HUNK: variants seen among roughly 807,000 people sequenced by gnomAD.
The protein encoded by HUNK is hormonally up-regulated Neu-associated kinase.
HUNK carries 21 observed loss-of-function variants against 61.0 expected under a neutral mutation model. The ratio of observed to expected loss-of-function variants is 0.34; its 90% CI spans 0.24 to 0.50. The LOEUF (loss-of-function observed/expected upper bound fraction) is 0.50, where lower values mean the gene tolerates loss of function less well. HUNK is among the 20% of genes least tolerant of loss of function. The probability of loss-of-function intolerance (pLI) is 0.98; values close to 1 mark genes in which losing one functional copy is unlikely to be tolerated. For synonymous variants in HUNK, 371 were observed against 386.1 expected, an observed-to-expected ratio of 0.96 and a Z score of 0.46; for missense variants, 772 against 945.7, an observed-to-expected ratio of 0.82 and a Z score of 2.41.
At chr21:31,965,517 G>A (rs796920754) in intron 5 of HUNK, among the ~76,000 whole-genome samples, 8 of 151,314 alleles carry the variant, frequency 5.3e-5, no homozygotes, top group African/African-American at 1.7e-4. Context: ...AGTATCCAGC[G>A]ATAACACTTA....
chr21:31,976,571 A>G (rs1248504225), intron 7 of HUNK, among the ~76,000 whole-genome samples: 3 of 138,620 alleles, frequency 2.2e-5, no homozygotes, highest in Non-Finnish European at 4.5e-5. Flanking sequence ...GGTTCAAGTG[A>G]TTCTCCTGCC....
At chr21:31,952,844 A>G (rs1001633732) in intron 4 of HUNK, among the ~76,000 whole-genome samples, 1 of 150,652 alleles carries the variant, frequency 6.6e-6, no homozygotes, top group Admixed American at 6.7e-5. Flanking sequence ...ATTCTGCTGG[A>G]AAAACCCCTG....
Position 31,974,674 on chromosome 21 carries a change from T to C in HUNK, c.1130T>C (p.Ile377Thr). 1.2e-6 allele frequency: 2 copies of C among 1,613,976 alleles called. No homozygotes were observed. The highest frequency in any genetic ancestry group is 2.2e-5 in the South Asian group (2 of 91,054). The change falls in exon 7 of 11, where the codon ATC becomes ACC. Residue 377 changes from isoleucine to threonine, a missense_variant. Ile to Thr is a moderately conservative substitution (Grantham distance 89). Around this residue, in one of 2 missense-constraint regions of HUNK, gnomAD observed 413 missense variants for 444.4 expected, o/e 0.93. Coordinates refer to ENST00000270112, the MANE Select transcript of HUNK (RefSeq NM_014586.2). Reference sequence around the variant, plus strand: ...AACCGCGCCTGCCACATCCTGGCCATCTACTTCCTCTTAAACAAGAAACTG... The same window carrying C: ...AACCGCGCCTGCCACATCCTGGCCACCTACTTCCTCTTAAACAAGAAACTG... ...LSNRACHILA[I>T]YFLLNKKLER...
At chr21:31,934,808 C>A (rs889942563) in intron 2 of HUNK, among the ~76,000 whole-genome samples, 13 of 152,032 alleles carry the variant, frequency 8.6e-5, no homozygotes, top group Admixed American at 5.9e-4. Context: ...TGACTTCGAG[C>A]GGCATCCATG....
In HUNK at chr21:31,924,742, G is replaced by A. The variant is rs369490768; in HGVS notation, c.536G>A (p.Arg179Gln). 46 of 1,608,500 alleles carry A rather than the reference G, an allele frequency of 2.9e-5. No homozygotes were observed. Among genetic ancestry groups the A allele is most frequent in the East Asian group, 6.7e-5 (3 of 44,856 alleles). The change falls in exon 2 of 11, where the codon CGG becomes CAG. Residue 179 changes from arginine (R) to glutamine (Q), a missense_variant. By Grantham distance (43) the Arg-to-Gln change is conservative. This residue lies in a region of HUNK where 359 missense variants were observed against 501.3 expected (regional missense o/e 0.72). Coordinates refer to ENST00000270112, the MANE Select transcript of HUNK (RefSeq NM_014586.2). This position sits in a 1 kb window ranked among gnomAD's most constrained non-coding sequence, Gnocchi z 5.1. ...QLISAVEHLH[R>Q]AGVVHRDLKI... ...ATCTCTGCCGTAGAGCACCTGCACC[G>A]GGCCGGGGTGGTCCACAGGTAAGGG...
chr21:31,895,144 G>A (rs1326195347), intron 1 of HUNK, among the ~76,000 whole-genome samples: 3 of 152,222 alleles, frequency 2.0e-5, no homozygotes, highest in African/African-American at 4.8e-5. Context: ...AATAAATTCA[G>A]TGTGTTTATG....
intron 7 of HUNK, 67 bp downstream of exon 7, chr21:31,974,784 G>C: frequency 7.0e-7 from 1 of 1,429,786 alleles, no homozygotes; most frequent in Non-Finnish European, 9.4e-7. Flanking sequence ...CACCCAAAGT[G>C]CTTCTCAGTT....
chr21:31,926,737 CA>C (rs1465768745), intron 2 of HUNK, among the ~76,000 whole-genome samples: 2 of 152,096 alleles, frequency 1.3e-5, no homozygotes, highest in African/African-American at 4.8e-5. Flanking sequence ...TTGGCTGATC[CA>C]TTTGAGTTGT....
chr21:31,879,684 C>T (rs767037929), intron 1 of HUNK, among the ~76,000 whole-genome samples: 27 of 152,104 alleles, frequency 1.8e-4, no homozygotes, highest in African/African-American at 4.8e-4. Context: ...TGGAGGTCAG[C>T]GCGGCAATCA....
chr21:31,999,421 C>T lies in HUNK; in HGVS notation c.*237C>T. 1 of 502,222 alleles carries T rather than the reference C, an allele frequency of 2.0e-6. No individual in the cohort carries two copies. The highest frequency in any genetic ancestry group is 5.2e-4 in the Middle Eastern group (1 of 1,924). The allele number at this position is 502,222 out of a possible 1,614,324, so 31.1% of individuals were successfully genotyped here. A position where few individuals can be genotyped will look rare whatever the true frequency, so the allele number is the denominator to read the frequency against. ...GCCAATTCCTATCATTCAGATCTTCCTTCCTCCCAAGTACTCACCAACCCC... is the reference window on the plus strand; with the variant it reads ...GCCAATTCCTATCATTCAGATCTTCTTTCCTCCCAAGTACTCACCAACCCC... On this transcript the variant is annotated 3_prime_UTR_variant, in exon 11 of 11. Transcript: ENST00000270112.
At chr21:31,937,015 A>G (rs575413509) in intron 2 of HUNK, among the ~76,000 whole-genome samples, 1 of 152,296 alleles carries the variant, frequency 6.6e-6, no homozygotes, top group South Asian at 2.1e-4. Flanking sequence ...TTAGATTTAG[A>G]GAGTACTGCT....
chr21:31,981,435 G>T (rs115456091), intron 7 of HUNK, among the ~76,000 whole-genome samples: 1 of 151,406 alleles, frequency 6.6e-6, no homozygotes, highest in African/African-American at 2.4e-5. Context: ...CATTGAATCC[G>T]TAGATTGCTT....
chr21:31,920,461 G>C (rs1244076160), intron 1 of HUNK, among the ~76,000 whole-genome samples: 1 of 152,208 alleles, frequency 6.6e-6, no homozygotes, highest in Non-Finnish European at 1.5e-5. Flanking sequence ...TACAGTACTT[G>C]TAAGAATTTC....
intron 8 of HUNK, among the ~76,000 whole-genome samples, chr21:31,986,403 C>T (rs1334203281): frequency 1.3e-5 from 2 of 152,168 alleles, no homozygotes; most frequent in African/African-American, 2.4e-5. Context: ...AGCCACATCA[C>T]CTCTGTCCTG....
At chr21:31,898,986 G>A (rs998240725) in intron 1 of HUNK, among the ~76,000 whole-genome samples, 5 of 151,916 alleles carry the variant, frequency 3.3e-5, no homozygotes, top group African/African-American at 1.2e-4. Context: ...GTATGTTATC[G>A]TGGAAACTGA....
chr21:31,960,527 A>G (rs1213290787), intron 5 of HUNK, among the ~76,000 whole-genome samples: 1 of 152,208 alleles, frequency 6.6e-6, no homozygotes, highest in East Asian at 1.9e-4. Context: ...CTGCTAATAA[A>G]GACATACCCG....
At position 32,000,603 on chromosome 21, in the gene HUNK, A is replaced by G; in HGVS notation, c.*1419A>G. ...AATGGCCTGGAGTCTTCAACTTTTG[A>G]CCGGTGCAGGTGTGACCAGAGACCA... On this transcript the variant is annotated 3_prime_UTR_variant, in exon 11 of 11. Transcript: ENST00000270112. 1 of 399,084 alleles carries G rather than the reference A, an allele frequency of 2.5e-6. No homozygotes were observed. Among genetic ancestry groups the G allele is most frequent in the East Asian group, 3.6e-5 (1 of 28,074 alleles). 24.7% of individuals were successfully genotyped at this position (399,084 alleles called of 1,614,324 possible). A position where few individuals can be genotyped will look rare whatever the true frequency, so the allele number is the denominator to read the frequency against.
At chr21:31,996,615 G>A (rs2053207799) in intron 10 of HUNK, among the ~76,000 whole-genome samples, 1 of 152,190 alleles carries the variant, frequency 6.6e-6, no homozygotes, top group Non-Finnish European at 1.5e-5. Context: ...ACGCCAAGAG[G>A]GGACACAGGA....
chr21:31,877,765 CTT>C (rs1601354324), intron 1 of HUNK, among the ~76,000 whole-genome samples: 1 of 152,126 alleles, frequency 6.6e-6, no homozygotes, highest in East Asian at 1.9e-4. Flanking sequence ...GGGGTAATGA[CTT>C]TGAAACACCT....
Sources: allele counts gnomAD v4.1 joint callset (sites outside exome capture counted in the v4.1 genomes callset), GRCh38; gene constraint gnomAD v4.1.1; regional missense constraint gnomAD v4.1.1; non-coding constraint Gnocchi (gnomAD v3.1); transcripts MANE v1.5; gene names NCBI Gene and HGNC (gene_info 2026-07-23, HGNC 2026-07-21).